The following ATG16L2 variants were observed in gnomAD, a reference collection of about 807,000 sequenced individuals.
ATG16L2 encodes the protein protein Atg16l2.
ATG16L2 carries 77 observed loss-of-function variants against 84.7 expected under a neutral mutation model. That is an observed-to-expected ratio of 0.91 (90% CI 0.76 to 1.10). ATG16L2 has a LOEUF of 1.10. Among genes scored for constraint, ATG16L2 ranks in the 50% least tolerant of loss-of-function variants. The pLI is 0.00. For synonymous variants in ATG16L2, 361 were observed against 342.8 expected (o/e 1.05, Z -0.59); for missense variants, 782 against 817.6 (o/e 0.96, Z 0.53).
In ATG16L2 at chr11:72,829,325, T is replaced by G; in HGVS notation, c.1795T>G (p.Trp599Gly). 6.2e-7 allele frequency: 1 copy of G among 1,613,180 alleles called. No homozygotes were observed. Among genetic ancestry groups the G allele is most frequent in the Non-Finnish European group, 8.5e-7 (1 of 1,179,822 alleles). ...PHCAAVNAVA[W>G]CYSGSHMVSV... ...CAGCGCTGCCGTCAACGCCGTGGCCTGGTGCTACTCCGGGAGCCACATGGT... is the reference window on the plus strand; with the variant it reads ...CAGCGCTGCCGTCAACGCCGTGGCCGGGTGCTACTCCGGGAGCCACATGGT... Residue 599 changes from tryptophan (W) to glycine (G), a missense_variant, in exon 18 of 18, where the codon TGG (tryptophan) becomes GGG (glycine). Trp to Gly is a radical substitution (Grantham distance 184). Transcript: ENST00000321297.
rs764489872 is a variant in ATG16L2, at chr11:72,843,530, A to C, written c.*935A>C. On this transcript the variant is annotated 3_prime_UTR_variant, in exon 6 of 6. Transcript: ENST00000534905. ...CAATGGTCAACTCATCTGGTTGAGA[A>C]GCCTGCAGTGTAGGATGGTCATGGA... is the stretch of plus-strand genomic sequence containing the variant. The C allele has an allele frequency of 5.6e-6, 9 of 1,612,876 alleles. No homozygotes were observed. In the South Asian group the frequency reaches 9.9e-5, roughly 18 times the overall value.
intron 10 of ATG16L2, 38 bp downstream of exon 10, chr11:72,825,445 T>C (rs754125732): frequency 6.6e-7 from 1 of 1,515,022 alleles, no homozygotes; most frequent in South Asian, 1.1e-5. Context: ...TTGGTGCTTC[T>C]CTCCAGACCC....
chr11:72,821,936 G>A, intron 4 of ATG16L2, 108 bp from the exon 5 acceptor site: 2 of 1,425,376 alleles, frequency 1.4e-6, no homozygotes, highest in Non-Finnish European at 1.8e-6. Context: ...TAGCCACCCG[G>A]CTAGCCGCGT....
downstream of ATG16L2, chr11:72,829,715 C>A: frequency 3.2e-6 from 3 of 932,156 alleles, no homozygotes; most frequent in Non-Finnish European, 4.0e-6. Context: ...CAGGCTTGGC[C>A]CCCTTCCTCC....
At position 72,822,265 on chromosome 11, in the gene ATG16L2, A is replaced by C. The variant is rs1860046821; in HGVS notation, c.614A>C (p.Glu205Ala). 7 of 1,504,926 alleles carry C rather than the reference A, an allele frequency of 4.7e-6. No individual in the cohort carries two copies. The highest frequency in any genetic ancestry group is 6.2e-6 in the Non-Finnish European group (7 of 1,136,800). 93.2% of individuals were successfully genotyped at this position (1,504,926 alleles called of 1,614,324 possible). The change falls in exon 5 of 18, where the codon GAG (glutamate) becomes GCG (alanine). Residue 205 changes from glutamate to alanine, a missense_variant. Glu to Ala is a moderately radical substitution (Grantham distance 107). Transcript: ENST00000321297. The surrounding 1 kb of genome is among the most constrained non-coding windows in gnomAD (Gnocchi z 4.2). ...CAGCGCAAGGCGCGCGCCGCGGCCG[A>C]GCGCAACCTGCGCAACGAGCGCCGG... ...LVQRKARAAA[E>A]RNLRNERRER... is the part of the protein sequence containing the mutation.
intron 14 of ATG16L2, 72 bp downstream of exon 14, chr11:72,827,365 C>G: frequency 1.5e-6 from 2 of 1,305,484 alleles, no homozygotes; most frequent in Non-Finnish European, 2.2e-6. Flanking sequence ...GTTCCTTTCT[C>G]TGGCCATGGC....
Position 72,816,752 on chromosome 11 carries a change from A to T in ATG16L2, c.143A>T (p.Glu48Val). The change falls in exon 2 of 18, where the codon GAG becomes GTG. Residue 48 changes from glutamate to valine, a missense_variant. Transcript: ENST00000321297. ...PAYNHLLEKA[E>V]LLDKFSKKLQ... ...GATAACCATCTCTTAGAGAAGGCTG[A>T]GCTGCTGGACAAGTTCTCAAAGAAG... 1.2e-6 allele frequency: 2 copies of T among 1,614,216 alleles called. No homozygotes were observed. The highest frequency in any genetic ancestry group is 1.6e-4 in the Middle Eastern group (1 of 6,062).
chr11:72,824,295 G>A (rs1415242964), intron 8 of ATG16L2, 173 bp downstream of exon 8: 32 of 717,706 alleles, frequency 4.5e-5, no homozygotes, highest in South Asian at 3.0e-4. Flanking sequence ...CCCCGGCCCC[G>A]GTTCAGCTGT....
intron 14 of ATG16L2, 79 bp downstream of exon 14, chr11:72,827,372 T>C (rs1207782465): frequency 3.4e-5 from 42 of 1,235,554 alleles, no homozygotes; most frequent in Non-Finnish European, 3.2e-5. Context: ...TCTCTGGCCA[T>C]GGCAGGAGGA....
At chr11:72,817,288 T>A (rs1319508241) in intron 2 of ATG16L2, among the ~76,000 whole-genome samples, 1 of 150,936 alleles carries the variant, frequency 6.6e-6, no homozygotes, top group Non-Finnish European at 1.5e-5. Context: ...CAGGCTGGAG[T>A]GCAGTGGCGT....
rs999428173 is a variant in ATG16L2 at position 72,829,556 on chromosome 11, G to A, written c.*166G>A. 502 of 1,384,284 alleles carry A rather than the reference G, an allele frequency of 3.6e-4. No homozygotes were observed. Among genetic ancestry groups the A allele is most frequent in the Non-Finnish European group, 4.3e-4 (455 of 1,069,758 alleles). 85.8% of individuals were successfully genotyped at this position (1,384,284 alleles called of 1,614,324 possible). On this transcript the variant is annotated 3_prime_UTR_variant, in exon 18 of 18. Coordinates refer to ENST00000321297, the MANE Select transcript of ATG16L2 (RefSeq NM_033388.2). Reference sequence around the variant, plus strand: ...GTTTAAAAATGAAGTATGGGTTGGGGGATTACGCTAGTTTTTCTTTGTATT... The same window carrying A: ...GTTTAAAAATGAAGTATGGGTTGGGAGATTACGCTAGTTTTTCTTTGTATT...
rs747394734 is a variant in ATG16L2 at position 72,824,843 on chromosome 11, G to C, written c.996+1G>C. 3.8e-6 allele frequency: 6 copies of C among 1,583,062 alleles called. No homozygotes were observed. The highest frequency in any genetic ancestry group is 5.2e-6 in the Non-Finnish European group (6 of 1,164,736). On this transcript the variant is annotated splice_donor_variant, in intron 9 of 17. Coordinates refer to ENST00000321297, the MANE Select transcript of ATG16L2 (RefSeq NM_033388.2). LOFTEE classifies it high-confidence loss of function. Reference sequence around the variant, plus strand: ...TCCTACCCGGGCTCAGGATGTGCTGGTAAGGGAGGAGCTGAGCCACATGGG... The same window carrying C: ...TCCTACCCGGGCTCAGGATGTGCTGCTAAGGGAGGAGCTGAGCCACATGGG...
At chr11:72,828,312 G>A (rs1476638809) in intron 14 of ATG16L2, 47 bp from the exon 15 acceptor site, 4 of 1,607,856 alleles carry the variant, frequency 2.5e-6, no homozygotes, top group Middle Eastern at 3.4e-4. Context: ...GTCAGGAGTG[G>A]CCTGGCTAGG....
chr11:72,836,383 C>T (rs1385264821), intron 5 of ATG16L2, among the ~76,000 whole-genome samples: 1 of 152,236 alleles, frequency 6.6e-6, no homozygotes, highest in Non-Finnish European at 1.5e-5. Context: ...AAGGGGACTT[C>T]AGTGACCTTC....
At chr11:72,832,313 C>T (rs968841380), downstream of ATG16L2, among the ~76,000 whole-genome samples, 1 of 152,210 alleles carries the variant, frequency 6.6e-6, no homozygotes, top group Non-Finnish European at 1.5e-5. Context: ...CTGCTGCCAT[C>T]GGGTGGAGTT....
chr11:72,838,969 G>A, intron 5 of ATG16L2: 3 of 1,031,556 alleles, frequency 2.9e-6, no homozygotes, highest in Admixed American at 2.0e-5. Context: ...CCAAGGACAT[G>A]GGCACCCTAG....
chr11:72,842,534 C>T lies in ATG16L2; in HGVS notation c.*22-83C>T, dbSNP rs553093577. On this transcript the variant is annotated intron_variant, in intron 5 of 5. Transcript: ENST00000534905. ...ACCGGTGAGGGTAAGGCAGAGACTG[C>T]AGCCCACTTTTGTGTGGATCCACAG... The T allele has an allele frequency of 1.0e-5, 16 of 1,529,690 alleles. No individual in the cohort carries two copies. The Admixed American group carries it at 2.5e-4, about 24-fold the overall frequency. 94.8% of individuals were successfully genotyped at this position (1,529,690 alleles called of 1,614,324 possible).
chr11:72,826,931 C>A, intron 13 of ATG16L2, 108 bp downstream of exon 13: 2 of 1,332,814 alleles, frequency 1.5e-6, no homozygotes, highest in Non-Finnish European at 1.0e-6. Flanking sequence ...GATTCATAGG[C>A]ATTTGGGGGT....
intron 15 of ATG16L2, 54 bp from the exon 16 acceptor site, chr11:72,828,675 A>C: frequency 6.2e-7 from 1 of 1,609,390 alleles, no homozygotes; most frequent in South Asian, 1.1e-5. Flanking sequence ...CTCACTGCAG[A>C]GGGCAGAGAC....
Sources: gnomAD v4.1 joint callset for allele counts (sites outside exome capture counted in the v4.1 genomes callset) on GRCh38, gnomAD v4.1.1 for gene constraint, Gnocchi (gnomAD v3.1) non-coding constraint, MANE v1.5 for transcripts, NCBI Gene and HGNC (gene_info 2026-07-23, HGNC 2026-07-21) for gene names.